Variants in SPMIP8 observed in about 807,000 individuals in gnomAD.
The protein encoded by SPMIP8 is testicular tissue protein Li 196.
the SPMIP8 span, among the ~76,000 whole-genome samples, chr16:57,977,583 G>GTGTGTGTGTC: frequency 4.2e-5 from 6 of 142,380 alleles, no homozygotes; most frequent in Admixed American, 4.0e-4. Flanking sequence ...GTGTGTGTGT[G>GTGTGTGTGTC]TGTATGTGTG....
the SPMIP8 span, among the ~76,000 whole-genome samples, chr16:57,981,404 T>A: frequency 2.3e-3 from 323 of 140,494 alleles, 1 homozygote; most frequent in Admixed American, 3.3e-3. Context: ...TTATTATTAT[T>A]ATAATAATAA....
chr16:57,980,394 T>G, the SPMIP8 span, among the ~76,000 whole-genome samples: 1 of 152,234 alleles, frequency 6.6e-6, no homozygotes, highest in Non-Finnish European at 1.5e-5. Flanking sequence ...TTAGTCCCTA[T>G]ACGTCAAAAG....
At chr16:57,982,242 C>G in the SPMIP8 span, among the ~76,000 whole-genome samples, 1 of 152,236 alleles carries the variant, frequency 6.6e-6, no homozygotes, top group South Asian at 2.1e-4. Context: ...CATCTAATAT[C>G]CAGACCATAT....
the SPMIP8 span, chr16:57,984,333 T>C: frequency 6.8e-6 from 11 of 1,614,256 alleles, no homozygotes; most frequent in Non-Finnish European, 8.5e-6. Flanking sequence ...TTTACACTCC[T>C]TGGGGTCCCC....
chr16:57,984,405 A>C, the SPMIP8 span: 1 of 1,605,196 alleles, frequency 6.2e-7, no homozygotes. Context: ...GCTAAGGGGC[A>C]CCAGCCCCAA....
the SPMIP8 span, chr16:57,986,512 T>G: frequency 6.6e-6 from 1 of 152,224 alleles, no homozygotes; most frequent in South Asian, 2.1e-4. Flanking sequence ...CCAAGCACTC[T>G]TCACACCTTT....
the SPMIP8 span, chr16:57,984,223 C>T: frequency 1.4e-6 from 2 of 1,470,208 alleles, no homozygotes; most frequent in Admixed American, 3.3e-5. Context: ...TTTTAAAGTA[C>T]AGTGTGGGCC....
At chr16:57,987,193 G>A in the SPMIP8 span, 3 of 447,836 alleles carry the variant, frequency 6.7e-6, no homozygotes, top group African/African-American at 2.0e-5. Context: ...GGGAGAGAAG[G>A]ATGAGGCACA....
chr16:57,987,162 T>C, the SPMIP8 span: 1 of 420,626 alleles, frequency 2.4e-6, no homozygotes, highest in Non-Finnish European at 4.2e-6. Flanking sequence ...TGGGTGAAGC[T>C]GTTCATAGTT....
chr16:57,987,566 G>A, the SPMIP8 span: 1 of 927,556 alleles, frequency 1.1e-6, no homozygotes, highest in Non-Finnish European at 1.5e-6. Context: ...CTCCCTTAGA[G>A]ACACACGCAA....
chr16:57,986,738 T>C, the SPMIP8 span: 2 of 152,188 alleles, frequency 1.3e-5, no homozygotes, highest in Non-Finnish European at 2.9e-5. Flanking sequence ...GGATTACAGG[T>C]GCGCATGACC....
chr16:57,982,832 C>A, the SPMIP8 span, among the ~76,000 whole-genome samples: 1 of 152,090 alleles, frequency 6.6e-6, no homozygotes, highest in East Asian at 1.9e-4. Flanking sequence ...GAGTTCAAGA[C>A]CAGCCTGGCC....
the SPMIP8 span, chr16:57,986,584 C>CATTATTATTATTATTATTATT: frequency 5.8e-4 from 86 of 149,064 alleles, no homozygotes; most frequent in South Asian, 1.3e-3. Flanking sequence ...TCCTTCGTGC[C>CATTATTATTATTATTATTATT]ATTATTATTA....
At chr16:57,981,392 A>AATTATTATTATTATT in the SPMIP8 span, among the ~76,000 whole-genome samples, 7 of 83,582 alleles carry the variant, frequency 8.4e-5, no homozygotes, top group East Asian at 2.2e-3. Context: ...TAATAATAAT[A>AATTATTATTATTATT]ATTATTATTA....
At chr16:57,983,097 G>C in the SPMIP8 span, among the ~76,000 whole-genome samples, 2 of 152,134 alleles carry the variant, frequency 1.3e-5, no homozygotes, top group Non-Finnish European at 2.9e-5. Flanking sequence ...TGGAGTTCTT[G>C]TATAGAGAAA....
the SPMIP8 span, among the ~76,000 whole-genome samples, chr16:57,983,747 G>A: frequency 1.3e-5 from 2 of 152,242 alleles, no homozygotes; most frequent in East Asian, 1.9e-4. Context: ...TAGTAGCTGG[G>A]ACTACAGTCG....
the SPMIP8 span, among the ~76,000 whole-genome samples, chr16:57,979,047 C>T: frequency 6.6e-6 from 1 of 152,222 alleles, no homozygotes; most frequent in Non-Finnish European, 1.5e-5. Flanking sequence ...CTCACAGCCC[C>T]CATGCAGGAG....
the SPMIP8 span, chr16:57,987,398 G>C: frequency 1.9e-6 from 3 of 1,596,760 alleles, no homozygotes; most frequent in Non-Finnish European, 2.6e-6. Flanking sequence ...CTCCACAGTC[G>C]TGTCAACTAC....
chr16:57,987,453 G>A, the SPMIP8 span: 1 of 1,580,202 alleles, frequency 6.3e-7, no homozygotes, highest in Non-Finnish European at 8.6e-7. Context: ...TGACTCCCAG[G>A]CTGCCGGACG....
Sources: allele counts gnomAD v4.1 joint callset (sites outside exome capture counted in the v4.1 genomes callset), GRCh38; gene constraint gnomAD v4.1.1; transcripts MANE v1.5; gene names NCBI Gene and HGNC (gene_info 2026-07-23, HGNC 2026-07-21).